Variants in TRRAP observed in about 807,000 individuals in gnomAD.
The protein encoded by TRRAP is transformation/transcription domain-associated protein.
A neutral mutation model predicts 438.8 loss-of-function variants in TRRAP; 41 were observed. The ratio of observed to expected loss-of-function variants is 0.09; its 90% CI spans 0.07 to 0.12. TRRAP has a LOEUF of 0.12. Ranked by LOEUF, TRRAP falls within the 10% of genes least tolerant of loss-of-function variation. TRRAP has a pLI of 1.00. For missense variants in TRRAP, 3,122 were observed against 5,055.1 expected (o/e 0.62, Z 11.60); for synonymous variants, 1,994 against 1,962.9 (o/e 1.02, Z -0.42).
At chr7:98,942,089 G>T (rs1554415751) in intron 30 of TRRAP, among the ~76,000 whole-genome samples, 6 of 152,234 alleles carry the variant, frequency 3.9e-5, no homozygotes, top group Non-Finnish European at 8.8e-5. Context: ...TAAGGCCCGG[G>T]CATTTGTCTG....
intron 67 of TRRAP, chr7:98,999,196 T>A (rs1320716251): frequency 1.5e-5 from 22 of 1,464,560 alleles, no homozygotes; most frequent in Non-Finnish European, 1.9e-5. Flanking sequence ...GTCCTTCAGA[T>A]AGGCTTTGCA....
chr7:98,894,253 A>C (rs1157379195), intron 6 of TRRAP, among the ~76,000 whole-genome samples: 1 of 152,316 alleles, frequency 6.6e-6, no homozygotes, highest in East Asian at 1.9e-4. Flanking sequence ...ACATTGGTTA[A>C]GTTTGTAACC....
At chr7:98,890,116 A>G (rs957566014) in intron 3 of TRRAP, among the ~76,000 whole-genome samples, 1 of 152,196 alleles carries the variant, frequency 6.6e-6, no homozygotes, top group East Asian at 1.9e-4. Context: ...TGGTATTTCT[A>G]ATTTTAATAG....
At chr7:99,010,095 C>T (rs1387800766) in intron 70 of TRRAP, among the ~76,000 whole-genome samples, 1 of 152,006 alleles carries the variant, frequency 6.6e-6, no homozygotes, top group African/African-American at 2.4e-5. Flanking sequence ...ACCATGTTGG[C>T]CAGGCTGGTC....
chr7:98,973,275 T>C (rs570014185), intron 53 of TRRAP, among the ~76,000 whole-genome samples: 1 of 152,222 alleles, frequency 6.6e-6, no homozygotes, highest in South Asian at 2.1e-4. Flanking sequence ...AATAGACCCA[T>C]GTCCCTACTG....
intron 30 of TRRAP, 129 bp from the exon 31 acceptor site, chr7:98,942,820 G>A (rs1471586178): frequency 1.4e-5 from 13 of 946,506 alleles, no homozygotes; most frequent in African/African-American, 3.3e-5. Context: ...AGATGGTTGC[G>A]CTGTTTTAAT....
intron 3 of TRRAP, among the ~76,000 whole-genome samples, chr7:98,886,311 T>C (rs1795692651): frequency 6.6e-6 from 1 of 150,668 alleles, no homozygotes; most frequent in Non-Finnish European, 1.5e-5. Flanking sequence ...TAGATATAGA[T>C]ATCTATATAG....
chr7:98,940,590 A>G (rs979960108), intron 30 of TRRAP, among the ~76,000 whole-genome samples: 1 of 152,144 alleles, frequency 6.6e-6, no homozygotes, highest in East Asian at 1.9e-4. Context: ...GACCAAGGCC[A>G]GTGTTCTTTC....
chr7:98,929,977 C>T lies in TRRAP; in HGVS notation c.3176-12C>T, dbSNP rs988929766. 1 of 1,613,560 alleles carries T rather than the reference C, an allele frequency of 6.2e-7. No individual in the cohort carries two copies. The highest frequency in any genetic ancestry group is 8.5e-7 in the Non-Finnish European group (1 of 1,179,598). On this transcript the variant is annotated splice_polypyrimidine_tract_variant and intron_variant, in intron 23 of 72. Transcript: ENST00000456197. ...AGACTGTTCTCACGTGCCTTCCCAT[C>T]TCTCCTTTTAGGCCCTTTCTTGCTG...
At position 98,930,566 on chromosome 7, in the gene TRRAP, G is replaced by C. The variant is rs140640159; in HGVS notation, c.3394-67G>C. 22 of 1,592,978 alleles carry C rather than the reference G, an allele frequency of 1.4e-5. No homozygotes were observed. In the African/African-American group the frequency reaches 2.4e-4, roughly 17 times the overall value. Reference sequence around the variant, plus strand: ...GCACTCCGGCCTGGGCAATAAGAGCGAAACTCTGTCTCAAAAAAAACAAGA... The same window carrying C: ...GCACTCCGGCCTGGGCAATAAGAGCCAAACTCTGTCTCAAAAAAAACAAGA... On this transcript the variant is annotated intron_variant, in intron 24 of 72. Transcript: ENST00000456197.
chr7:98,937,401 T>TGTG, intron 29 of TRRAP, 124 bp downstream of exon 29: 1 of 1,386,202 alleles, frequency 7.2e-7, no homozygotes, highest in Non-Finnish European at 9.6e-7. Flanking sequence ...GCTTTATGCA[T>TGTG]GTGGTTATTA....
Position 98,949,504 on chromosome 7 carries a change from G to A in TRRAP, c.4876G>A (p.Gly1626Ser), listed in dbSNP as rs782356809. 6 of 1,610,522 alleles carry A rather than the reference G, an allele frequency of 3.7e-6. No homozygotes were observed. In the African/African-American group the frequency reaches 6.7e-5, roughly 18 times the overall value. The change falls in exon 36 of 73, where the codon GGT becomes AGT. Residue 1626 changes from glycine to serine, a missense_variant. Gly to Ser is a moderately conservative substitution (Grantham distance 56). Transcript: ENST00000456197. ...GTTCATCACCCTGCTGCTGCCGGGG[G>A]GTGCCCAGACGGCTGTGCGCCCCGG... Reference protein sequence around the residue: ...NRFITLLLPGGAQTAVRPGSP... With the variant: ...NRFITLLLPGSAQTAVRPGSP...
chr7:98,955,353 A>C, intron 41 of TRRAP, 49 bp downstream of exon 41: 1 of 1,536,368 alleles, frequency 6.5e-7, no homozygotes, highest in Non-Finnish European at 8.8e-7. Context: ...TCAGGCATTC[A>C]CTTTGAACCT....
intron 47 of TRRAP, 113 bp from the exon 48 acceptor site, chr7:98,964,516 G>C: frequency 7.8e-7 from 1 of 1,279,066 alleles, no homozygotes. Context: ...TGTTGACACT[G>C]GGATTAACTA....
At chr7:98,927,481 T>C in intron 23 of TRRAP, 115 bp downstream of exon 23, 1 of 1,327,896 alleles carries the variant, frequency 7.5e-7, no homozygotes, top group East Asian at 2.5e-5. Context: ...GGCTGATTGA[T>C]TTTCGGCTTT....
intron 58 of TRRAP, 80 bp downstream of exon 58, chr7:98,978,984 T>G: frequency 6.4e-7 from 1 of 1,570,852 alleles, no homozygotes; most frequent in Non-Finnish European, 8.6e-7. Context: ...GAGATTTCCC[T>G]TAGAACAAGC....
Position 98,978,921 on chromosome 7 carries a change from G to T in TRRAP, c.8634+17G>T. The T allele has an allele frequency of 1.9e-6, 3 of 1,612,874 alleles. No individual in the cohort carries two copies. The highest frequency in any genetic ancestry group is 1.7e-6 in the Non-Finnish European group (2 of 1,179,950). On this transcript the variant is annotated intron_variant, in intron 58 of 72. Transcript: ENST00000456197. Reference sequence around the variant, plus strand: ...CTGGTGCAGGTGAGACGCCCCGGGGGCATCCCTGCCGCTGCCTGGGTCCCT... The same window carrying T: ...CTGGTGCAGGTGAGACGCCCCGGGGTCATCCCTGCCGCTGCCTGGGTCCCT...
At chr7:98,917,271 G>C in intron 19 of TRRAP, 152 bp from the exon 20 acceptor site, 2 of 1,011,514 alleles carry the variant, frequency 2.0e-6, no homozygotes, top group Non-Finnish European at 2.9e-6. Flanking sequence ...TTATTGGACA[G>C]ATGTAACAGG....
chr7:98,921,781 C>T lies in TRRAP; in HGVS notation c.2651C>T (p.Ala884Val). The T allele has an allele frequency of 1.9e-6, 3 of 1,614,198 alleles. No homozygotes were observed. The highest frequency in any genetic ancestry group is 2.5e-6 in the Non-Finnish European group (3 of 1,180,042). The change falls in exon 21 of 73, where the codon GCT becomes GTT. Residue 884 changes from alanine (A) to valine (V), a missense_variant. By Grantham distance (64) the Ala-to-Val change is moderately conservative. This residue lies in a region of TRRAP where 133 missense variants were observed against 188.6 expected (regional missense o/e 0.71). Coordinates refer to ENST00000456197, the MANE Select transcript of TRRAP (RefSeq NM_001375524.1). ...QALWRTLRNP[A>V]DSISHVAYRV... is the part of the protein sequence containing the mutation. ...CTGTGGCGCACCTTACGCAACCCTGCTGACAGCATCTCCCACGTGGCCTAC... is the reference window on the plus strand; with the variant it reads ...CTGTGGCGCACCTTACGCAACCCTGTTGACAGCATCTCCCACGTGGCCTAC...
Sources: gnomAD v4.1 joint callset for allele counts (sites outside exome capture counted in the v4.1 genomes callset) on GRCh38, gnomAD v4.1.1 for gene constraint, gnomAD v4.1.1 regional missense constraint, MANE v1.5 for transcripts, NCBI Gene and HGNC (gene_info 2026-07-23, HGNC 2026-07-21) for gene names.